Variants in PLPPR4 observed in about 807,000 individuals in gnomAD.
The protein encoded by PLPPR4 is phospholipid phosphatase related 4.
Under a neutral mutation model 56.6 loss-of-function variants are expected in PLPPR4, and 24 were observed. The observed-to-expected ratio is 0.42, with a 90% confidence interval of 0.31 to 0.60. The LOEUF (loss-of-function observed/expected upper bound fraction) is 0.60. Among genes scored for constraint, PLPPR4 ranks in the 20% least tolerant of loss-of-function variants. PLPPR4 has a pLI of 0.13. For synonymous variants in PLPPR4, 326 were observed against 328.1 expected (o/e 0.99, Z 0.07); for missense variants, 654 against 885.8 (o/e 0.74, Z 3.32).
chr1:99,267,762 A>G (rs534141989), intron 1 of PLPPR4, among the ~76,000 whole-genome samples: 72 of 152,362 alleles, frequency 4.7e-4, no homozygotes, highest in South Asian at 2.1e-3. Context: ...CCCAATTTCT[A>G]GAAATAGTTT....
chr1:99,294,831 TA>T (rs1659704591), intron 2 of PLPPR4, among the ~76,000 whole-genome samples: 1 of 152,146 alleles, frequency 6.6e-6, no homozygotes, highest in African/African-American at 2.4e-5. Flanking sequence ...GGACAAGATG[TA>T]ATCATTACAA....
upstream of PLPPR4, among the ~76,000 whole-genome samples, chr1:99,263,660 G>A (rs189387057): frequency 2.0e-5 from 3 of 152,196 alleles, no homozygotes; most frequent in East Asian, 5.8e-4. Flanking sequence ...ATTGAGACTA[G>A]CCATGTATAC....
intron 1 of PLPPR4, among the ~76,000 whole-genome samples, chr1:99,282,579 A>T (rs554605417): frequency 1.1e-4 from 16 of 152,126 alleles, no homozygotes; most frequent in African/African-American, 3.4e-4. Flanking sequence ...CCTCAATCTA[A>T]CAGCCAGTGA....
intron 4 of PLPPR4, among the ~76,000 whole-genome samples, chr1:99,299,679 G>GT (rs1328987936): frequency 6.6e-6 from 1 of 151,900 alleles, no homozygotes; most frequent in Admixed American, 6.6e-5. Flanking sequence ...TTGAGGAGGG[G>GT]TAACATCTAA....
chr1:99,298,983 G>T (rs748706518), intron 3 of PLPPR4, 52 bp from the exon 4 acceptor site: 2 of 1,207,820 alleles, frequency 1.7e-6, no homozygotes, highest in Non-Finnish European at 2.5e-6. Flanking sequence ...GAATATGTTT[G>T]ATGCTGACAC....
In PLPPR4 at chr1:99,306,598, C is replaced by T. The variant is rs1403208199; in HGVS notation, c.1736C>T (p.Pro579Leu). ...GGGATAGTGAGGGTTGAGGCTCACC[C>T]AGAGAACAACAGGCCCATCATACAG... ...PSGIVRVEAH[P>L]ENNRPIIQIP... Residue 579 changes from proline to leucine, a missense_variant, in exon 7 of 7, where the codon CCA becomes CTA. Around this residue, in one of 2 missense-constraint regions of PLPPR4, gnomAD observed 468 missense variants for 554.3 expected, o/e 0.84. Transcript: ENST00000370185. The surrounding 1 kb of genome is among the most constrained non-coding windows in gnomAD (Gnocchi z 4.0). 6.2e-7 allele frequency: 1 copy of T among 1,613,974 alleles called. No homozygotes were observed. Among genetic ancestry groups the T allele is most frequent in the Non-Finnish European group, 8.5e-7 (1 of 1,180,018 alleles).
intron 2 of PLPPR4, among the ~76,000 whole-genome samples, chr1:99,291,396 A>G (rs1236356804): frequency 6.6e-6 from 1 of 152,226 alleles, no homozygotes; most frequent in Non-Finnish European, 1.5e-5. Flanking sequence ...AGTCAGAACT[A>G]CCATTCAACC....
At chr1:99,275,652 G>A (rs1659166766) in intron 1 of PLPPR4, among the ~76,000 whole-genome samples, 1 of 152,128 alleles carries the variant, frequency 6.6e-6, no homozygotes, top group Non-Finnish European at 1.5e-5. Context: ...AAGGCTAGTG[G>A]TTCTTTCAGT....
chr1:99,298,902 T>C, intron 3 of PLPPR4, 133 bp from the exon 4 acceptor site: 1 of 746,768 alleles, frequency 1.3e-6, no homozygotes, highest in Admixed American at 2.1e-5. Context: ...TTTTCTATAC[T>C]GTCTTCTTGA....
chr1:99,306,399 G>T lies in PLPPR4; in HGVS notation c.1537G>T (p.Ala513Ser), dbSNP rs1660031636. 1 of 1,614,174 alleles carries T rather than the reference G, an allele frequency of 6.2e-7. No homozygotes were observed. The highest frequency in any genetic ancestry group is 8.5e-7 in the Non-Finnish European group (1 of 1,180,028). ...SSARAKWLKAAEKTVACNRSN... is the reference protein window; with the variant it reads ...SSARAKWLKASEKTVACNRSN... ...TGCTCGGGCCAAGTGGTTAAAAGCT[G>T]CTGAAAAGACTGTGGCCTGTAACAG... Residue 513 changes from alanine (A) to serine (S), a missense_variant, in exon 7 of 7, where the codon GCT (alanine) becomes TCT (serine). Ala to Ser is a moderately conservative substitution (Grantham distance 99). Around this residue, in one of 2 missense-constraint regions of PLPPR4, gnomAD observed 468 missense variants for 554.3 expected, o/e 0.84. Coordinates refer to ENST00000370185, the MANE Select transcript of PLPPR4 (RefSeq NM_014839.5). This position sits in a 1 kb window ranked among gnomAD's most constrained non-coding sequence, Gnocchi z 4.0.
chr1:99,264,202 G>A, upstream of PLPPR4: 2 of 528,924 alleles, frequency 3.8e-6, no homozygotes, highest in Non-Finnish European at 6.6e-6. Flanking sequence ...CCAGGAGTGC[G>A]TCCTCCTTTT....
At chr1:99,287,842 G>C (rs1659507952) in intron 1 of PLPPR4, 123 bp from the exon 2 acceptor site, 1 of 713,504 alleles carries the variant, frequency 1.4e-6, no homozygotes, top group Admixed American at 2.8e-5. Context: ...TAGAACTTAT[G>C]AATGATTTTT....
chr1:99,264,458 C>T (rs1570901654), upstream of PLPPR4: 2 of 1,499,762 alleles, frequency 1.3e-6, no homozygotes, highest in Non-Finnish European at 8.8e-7. Context: ...GCATGCAGCG[C>T]GCTGGCTCCA....
At chr1:99,266,964 T>C (rs1409811255) in intron 1 of PLPPR4, among the ~76,000 whole-genome samples, 2 of 152,336 alleles carry the variant, frequency 1.3e-5, no homozygotes, top group East Asian at 3.9e-4. Flanking sequence ...TAAAATGCTC[T>C]AGAGTAATGA....
chr1:99,288,114 G>A lies in PLPPR4; in HGVS notation c.228G>A (p.Met76Ile). 1 of 1,613,514 alleles carries A rather than the reference G, an allele frequency of 6.2e-7. No individual in the cohort carries two copies. ...EPTQEAIPFL[M>I]LLSLAFAGPA... is the part of the protein sequence containing the mutation. ...CCCAGGAGGCAATTCCATTCCTCAT[G>A]TTGCTTAGCTTGGCTTTTGCTGGAC... Residue 76 changes from methionine to isoleucine, a missense_variant, in exon 2 of 7, where the codon ATG (methionine) becomes ATA (isoleucine). By Grantham distance (10) the Met-to-Ile change is conservative. Coordinates refer to ENST00000370185, the MANE Select transcript of PLPPR4 (RefSeq NM_014839.5).
In PLPPR4 at chr1:99,288,166, A is replaced by T; in HGVS notation, c.264+16A>T. ...TGCAATTACGGTAAGAATTACCCCC[A>T]AAATTGTGTTTATCTGTCCTGGAAA... On this transcript the variant is annotated intron_variant, in intron 2 of 6. Transcript: ENST00000370185. 1 of 1,610,852 alleles carries T rather than the reference A, an allele frequency of 6.2e-7. No homozygotes were observed. Among genetic ancestry groups the T allele is most frequent in the Non-Finnish European group, 8.5e-7 (1 of 1,178,194 alleles).
At chr1:99,305,187 T>C (rs1322954151) in intron 6 of PLPPR4, among the ~76,000 whole-genome samples, 1 of 152,162 alleles carries the variant, frequency 6.6e-6, no homozygotes, top group Non-Finnish European at 1.5e-5. Context: ...ATAACATATG[T>C]CTCCGACCTT....
intron 1 of PLPPR4, among the ~76,000 whole-genome samples, chr1:99,274,366 G>A (rs1659132879): frequency 6.6e-6 from 1 of 151,924 alleles, no homozygotes; most frequent in Admixed American, 6.6e-5. Flanking sequence ...CTAAAGCAAA[G>A]ACAGGCCTAG....
rs76104026 is a variant in PLPPR4, at chr1:99,296,594, C to T, written c.265-144C>T. ...TTGATCAAATTCTCAGAAGAAATTGCTGTGCCTCTACAGCTTTTAAGAAAA... is the reference window on the plus strand; with the variant it reads ...TTGATCAAATTCTCAGAAGAAATTGTTGTGCCTCTACAGCTTTTAAGAAAA... On this transcript the variant is annotated intron_variant, in intron 2 of 6. Transcript: ENST00000370185. 2,419 of 575,818 alleles carry T rather than the reference C, an allele frequency of 4.2e-3. 54 individuals carry two copies. The African/African-American group carries it at 0.042, about 10-fold the overall frequency. The allele number at this position is 575,818 out of a possible 1,614,324, so 35.7% of individuals were successfully genotyped here.
Sources: allele counts gnomAD v4.1 joint callset (sites outside exome capture counted in the v4.1 genomes callset), GRCh38; gene constraint gnomAD v4.1.1; regional missense constraint gnomAD v4.1.1; non-coding constraint Gnocchi (gnomAD v3.1); transcripts MANE v1.5; gene names NCBI Gene and HGNC (gene_info 2026-07-23, HGNC 2026-07-21).